The following CDR2 variants were observed in gnomAD, a reference collection of about 807,000 sequenced individuals.
CDR2 encodes the protein cerebellar degeneration related protein 2.
Under a neutral mutation model 48.4 loss-of-function variants are expected in CDR2, and 34 were observed. The observed-to-expected ratio is 0.70, with a 90% CI of 0.53 to 0.94. The LOEUF (loss-of-function observed/expected upper bound fraction) is 0.94, where lower values mean the gene tolerates loss of function less well. Among genes scored for constraint, CDR2 ranks in the 40% least tolerant of loss-of-function variants. CDR2 has a pLI of 0.00. For synonymous variants in CDR2, 240 were observed against 219.7 expected, an observed-to-expected ratio of 1.09 and a Z score of -0.82; for missense variants, 498 against 549.5, an observed-to-expected ratio of 0.91 and a Z score of 0.94.
At chr16:22,369,876 C>T (rs1314153651) in intron 1 of CDR2, among the ~76,000 whole-genome samples, 1 of 152,148 alleles carries the variant, frequency 6.6e-6, no homozygotes, top group Non-Finnish European at 1.5e-5. Flanking sequence ...GTTTCGAAGC[C>T]TTATACACCT....
chr16:22,350,780 T>G (rs1488994809), intron 2 of CDR2, among the ~76,000 whole-genome samples: 2 of 152,232 alleles, frequency 1.3e-5, no homozygotes, highest in East Asian at 1.9e-4. Flanking sequence ...AAATCTAAAG[T>G]GAGACATAAC....
At chr16:22,351,223 T>C (rs2048939442) in intron 2 of CDR2, among the ~76,000 whole-genome samples, 1 of 152,250 alleles carries the variant, frequency 6.6e-6, no homozygotes, top group Admixed American at 6.5e-5. Flanking sequence ...TAGTATTCCA[T>C]GGTGTACATG....
At chr16:22,360,231 C>T (rs2049002035) in intron 2 of CDR2, among the ~76,000 whole-genome samples, 1 of 152,128 alleles carries the variant, frequency 6.6e-6, no homozygotes, top group African/African-American at 2.4e-5. Flanking sequence ...CCCCTCCTTC[C>T]ACCCAGAACA....
rs780106096 is a variant in CDR2, at chr16:22,364,914, T to C, written c.180A>G (p.Leu60=). The stretch of plus-strand genomic sequence containing the variant: ...CCAAGTGAATTACCTCAATTTCCTG[T>C]AACTGCTCCTGATTGGTTGTATACA... ...QQMYTTNQEQ[L]QEIEYLTKQV... is the part of the protein sequence containing the mutation. The change falls in exon 2 of 5, where the codon TTA becomes TTG. Residue 60 remains leucine, a synonymous_variant. Coordinates refer to ENST00000268383, the MANE Select transcript of CDR2 (RefSeq NM_001802.2). 9 of 1,602,674 alleles carry C rather than the reference T, an allele frequency of 5.6e-6. No homozygotes were observed. Among genetic ancestry groups the C allele is most frequent in the South Asian group, 1.1e-5 (1 of 90,834 alleles).
chr16:22,359,271 C>T (rs887937395), intron 2 of CDR2, among the ~76,000 whole-genome samples: 7 of 151,966 alleles, frequency 4.6e-5, no homozygotes, highest in South Asian at 2.1e-4. Context: ...GGATTACAGG[C>T]GCCCGCCACC....
intron 2 of CDR2, among the ~76,000 whole-genome samples, chr16:22,354,609 C>G (rs1194632119): frequency 1.3e-5 from 2 of 151,930 alleles, no homozygotes; most frequent in East Asian, 3.8e-4. Context: ...TATTGTGGAC[C>G]AGGTGTGGTG....
chr16:22,365,134 C>T, intron 1 of CDR2, 120 bp from the exon 2 acceptor site: 1 of 655,778 alleles, frequency 1.5e-6, no homozygotes, highest in Non-Finnish European at 2.6e-6. Context: ...GGTGGAGTGG[C>T]ACAGAAGGAA....
rs1409791018 is a variant in CDR2 at position 22,374,151 on chromosome 16, A to G, written c.79+80T>C. The G allele has an allele frequency of 2.3e-5, 22 of 959,044 alleles. No individual in the cohort carries two copies. In the South Asian group the frequency reaches 2.7e-4, roughly 12 times the overall value. 59.4% of individuals were successfully genotyped at this position (959,044 alleles called of 1,614,324 possible). ...GCACCTGCATCCTCCGCCGCCACAA[A>G]AAGCAACTTTTTAACAGTTTCGCAG... is the stretch of plus-strand genomic sequence containing the variant. On this transcript the variant is annotated intron_variant, in intron 1 of 4. Transcript: ENST00000268383.
intron 2 of CDR2, among the ~76,000 whole-genome samples, chr16:22,362,137 G>A (rs977499533): frequency 1.3e-5 from 2 of 152,034 alleles, no homozygotes; most frequent in East Asian, 1.9e-4. Flanking sequence ...TCCTGACCTC[G>A]TGATCCACCC....
At chr16:22,367,527 T>C (rs1357670041) in intron 1 of CDR2, among the ~76,000 whole-genome samples, 1 of 152,164 alleles carries the variant, frequency 6.6e-6, no homozygotes, top group Non-Finnish European at 1.5e-5. Flanking sequence ...ATTCTAGGTA[T>C]GATGGAAAGT....
At chr16:22,371,386 G>A (rs1202196263) in intron 1 of CDR2, among the ~76,000 whole-genome samples, 1 of 152,152 alleles carries the variant, frequency 6.6e-6, no homozygotes, top group African/African-American at 2.4e-5. Flanking sequence ...AGTGTCTACT[G>A]AGGGCCTACA....
At chr16:22,355,902 A>T (rs1330619611) in intron 2 of CDR2, among the ~76,000 whole-genome samples, 1 of 152,204 alleles carries the variant, frequency 6.6e-6, no homozygotes, top group Non-Finnish European at 1.5e-5. Flanking sequence ...ATAAAAGCTA[A>T]TTAAGATCTT....
At chr16:22,363,722 C>A (rs1244409974) in intron 2 of CDR2, among the ~76,000 whole-genome samples, 1 of 152,098 alleles carries the variant, frequency 6.6e-6, no homozygotes, top group Non-Finnish European at 1.5e-5. Context: ...TAAGTACAGA[C>A]CCTTTTTGGG....
chr16:22,347,866 T>C (rs1278353040), intron 4 of CDR2, 43 bp from the exon 5 acceptor site: 7 of 1,524,602 alleles, frequency 4.6e-6, no homozygotes, highest in Admixed American at 2.0e-5. Context: ...ACAGGTCCAC[T>C]GAAAATGACG....
rs1209550711 is a variant in CDR2, at chr16:22,374,488, G to A, written c.-179C>T. On this transcript the variant is annotated 5_prime_UTR_variant, in exon 1 of 5. Transcript: ENST00000268383. The stretch of plus-strand genomic sequence containing the variant: ...CCCGCCGGCGGCCGCCGACCGGCCG[G>A]CTGCCTCGACTCGCCTCGCGCCTAC... 4.0e-6 allele frequency: 1 copy of A among 248,690 alleles called. No individual in the cohort carries two copies. 15.4% of individuals were successfully genotyped at this position (248,690 alleles called of 1,614,324 possible).
chr16:22,372,863 ATTC>A (rs1201226602), intron 1 of CDR2, among the ~76,000 whole-genome samples: 5 of 152,212 alleles, frequency 3.3e-5, no homozygotes, highest in South Asian at 2.1e-4. Context: ...TCAGGTCTAC[ATTC>A]TTTTCTTCTG....
chr16:22,347,600 G>A lies in CDR2; in HGVS notation c.730C>T (p.Arg244Ter), dbSNP rs1268629698. The stretch of plus-strand genomic sequence containing the variant: ...GCCTCTAGTTCCAGCGCCCGTGCTC[G>A]GTAGGCACCTGTGGCCCCCAGCTGC... ...EQQLGATGAY[R>*]ARALELEAEV... is the part of the protein sequence containing the mutation. The change falls in exon 5 of 5, where the codon CGA becomes TGA. Residue 244 changes from arginine to a stop codon, truncating the protein, a stop_gained. Transcript: ENST00000268383. LOFTEE classifies it high-confidence loss of function. The A allele has an allele frequency of 1.5e-5, 24 of 1,614,004 alleles. No homozygotes were observed. Among genetic ancestry groups the A allele is most frequent in the Non-Finnish European group, 1.9e-5 (22 of 1,180,032 alleles).
chr16:22,366,744 G>A (rs2049047107), intron 1 of CDR2, among the ~76,000 whole-genome samples: 1 of 152,082 alleles, frequency 6.6e-6, no homozygotes, highest in Non-Finnish European at 1.5e-5. Flanking sequence ...TCCAAATGAA[G>A]GAATCCAATG....
At chr16:22,368,744 G>C (rs1018728395) in intron 1 of CDR2, 2 of 152,176 alleles carry the variant, frequency 1.3e-5, no homozygotes, top group African/African-American at 4.8e-5. Context: ...AGGTCCGCAG[G>C]CTTCTTTAAG....
Sources: allele counts gnomAD v4.1 joint callset (sites outside exome capture counted in the v4.1 genomes callset), GRCh38; gene constraint gnomAD v4.1.1; transcripts MANE v1.5; gene names NCBI Gene and HGNC (gene_info 2026-07-23, HGNC 2026-07-21).